The following TBCK variants were observed in gnomAD, a reference collection of about 807,000 sequenced individuals.
The protein encoded by TBCK is TBC domain-containing protein kinase-like protein.
TBCK carries 99 observed loss-of-function variants against 113.4 expected under a neutral mutation model. That is an observed-to-expected ratio of 0.87 (90% CI 0.74 to 1.03). The LOEUF (loss-of-function observed/expected upper bound fraction) is 1.03. Ranked by LOEUF, TBCK falls within the 50% of genes least tolerant of loss-of-function variation. The probability of loss-of-function intolerance (pLI) is 0.00; values close to 1 mark genes in which losing one functional copy is unlikely to be tolerated. For synonymous variants in TBCK, 369 were observed against 370.8 expected, an observed-to-expected ratio of 1.00 and a Z score of 0.05; for missense variants, 1,045 against 1,061.3, an observed-to-expected ratio of 0.98 and a Z score of 0.21.
Position 106,230,498 on chromosome 4 carries a change from G to A in TBCK, c.1691-52C>T, listed in dbSNP as rs563306484. On this transcript the variant is annotated intron_variant, in intron 18 of 25. Coordinates refer to ENST00000394708, the MANE Select transcript of TBCK (RefSeq NM_001163435.3). ...TAAAAAATTAGTTAACAGGGTAGATGACCATCAGTAATGCATTCACTTAGC... is the reference window on the plus strand; with the variant it reads ...TAAAAAATTAGTTAACAGGGTAGATAACCATCAGTAATGCATTCACTTAGC... The A allele has an allele frequency of 5.4e-6, 6 of 1,100,972 alleles. No homozygotes were observed. In the South Asian group the frequency reaches 9.2e-5, roughly 17 times the overall value. The allele number at this position is 1,100,972 out of a possible 1,614,324, so 68.2% of individuals were successfully genotyped here.
At chr4:106,266,088 T>A (rs1193117125) in intron 3 of TBCK, among the ~76,000 whole-genome samples, 1 of 151,752 alleles carries the variant, frequency 6.6e-6, no homozygotes, top group East Asian at 1.9e-4. Context: ...ACTAACTGTA[T>A]AAATGGCAAT....
intron 23 of TBCK, among the ~76,000 whole-genome samples, chr4:106,123,589 A>G (rs1744741420): frequency 6.6e-6 from 1 of 152,192 alleles, no homozygotes; most frequent in Non-Finnish European, 1.5e-5. Flanking sequence ...AAAAGAACAA[A>G]GCTGGAGGCA....
At chr4:106,059,035 A>C (rs1182027583) in intron 25 of TBCK, among the ~76,000 whole-genome samples, 1 of 151,796 alleles carries the variant, frequency 6.6e-6, no homozygotes, top group Non-Finnish European at 1.5e-5. Flanking sequence ...GTCAAGAAGG[A>C]TAAAATACTA....
chr4:106,091,327 C>T (rs1740202637), intron 25 of TBCK, among the ~76,000 whole-genome samples: 1 of 152,162 alleles, frequency 6.6e-6, no homozygotes, highest in Admixed American at 6.5e-5. Context: ...TCACTTATTA[C>T]CATGGAGAGG....
At chr4:106,215,556 G>A (rs1351289470) in intron 19 of TBCK, among the ~76,000 whole-genome samples, 1 of 152,060 alleles carries the variant, frequency 6.6e-6, no homozygotes, top group Non-Finnish European at 1.5e-5. Flanking sequence ...AAAAGGCAGG[G>A]GTTGCGATCC....
intron 3 of TBCK, among the ~76,000 whole-genome samples, chr4:106,287,781 C>A (rs772876780): frequency 1.1e-4 from 17 of 152,146 alleles, no homozygotes; most frequent in Non-Finnish European, 2.4e-4. Flanking sequence ...TCACCCAACT[C>A]CAGAAAAGCT....
intron 12 of TBCK, among the ~76,000 whole-genome samples, chr4:106,239,598 A>T (rs1409163242): frequency 4.6e-5 from 7 of 152,088 alleles, no homozygotes; most frequent in African/African-American, 1.7e-4. Flanking sequence ...AAGAAAAGAA[A>T]TGGAAGCACC....
chr4:106,148,292 C>T lies in TBCK; in HGVS notation c.2235+22803G>A, dbSNP rs757631168. Among the ~76,000 whole-genome samples, 4 of 152,202 alleles carry T rather than the reference C, an allele frequency of 2.6e-5. No homozygotes were observed. In the South Asian group the frequency reaches 8.3e-4, roughly 31 times the overall value. ...CCACACCTATTCGCACACTCCCTCCCCTTTTGAAAGTCCCTAATAAAAACT... is the reference window on the plus strand; with the variant it reads ...CCACACCTATTCGCACACTCCCTCCTCTTTTGAAAGTCCCTAATAAAAACT... On this transcript the variant is annotated intron_variant, in intron 23 of 25. Transcript: ENST00000394708.
At chr4:106,156,756 T>C (rs2149696137) in intron 23 of TBCK, among the ~76,000 whole-genome samples, 1 of 152,260 alleles carries the variant, frequency 6.6e-6, no homozygotes, top group South Asian at 2.1e-4. Context: ...GGACTCACTC[T>C]TCAGTGTAGT....
At chr4:106,309,619 T>C (rs1388684082) in intron 1 of TBCK, among the ~76,000 whole-genome samples, 1 of 151,946 alleles carries the variant, frequency 6.6e-6, no homozygotes, top group East Asian at 1.9e-4. Context: ...CTCCTCTCTT[T>C]ACCTAAAGAT....
intron 9 of TBCK, chr4:106,247,573 CA>C (rs1382858062): frequency 3.5e-5 from 9 of 255,584 alleles, no homozygotes; most frequent in Non-Finnish European, 6.6e-5. Flanking sequence ...GACTAGCATT[CA>C]CCTGCTTTAC....
At chr4:106,097,928 T>C (rs1489104814) in intron 24 of TBCK, among the ~76,000 whole-genome samples, 4 of 152,060 alleles carry the variant, frequency 2.6e-5, no homozygotes, top group East Asian at 1.9e-4. Context: ...TGAATGACCA[T>C]AGTTGACTAT....
At chr4:106,232,714 A>G (rs1393594937) in intron 17 of TBCK, among the ~76,000 whole-genome samples, 1 of 152,032 alleles carries the variant, frequency 6.6e-6, no homozygotes, top group Non-Finnish European at 1.5e-5. Context: ...CTGCTTTGCT[A>G]ATCAACTTGT....
chr4:106,103,946 C>T (rs1301751684), intron 24 of TBCK, among the ~76,000 whole-genome samples: 1 of 152,296 alleles, frequency 6.6e-6, no homozygotes, highest in Admixed American at 6.5e-5. Context: ...AGTGAATGAA[C>T]GGCCCCAGAA....
At chr4:106,233,185 A>G (rs889898654) in intron 16 of TBCK, 121 bp from the exon 17 acceptor site, 10 of 976,586 alleles carry the variant, frequency 1.0e-5, no homozygotes, top group Non-Finnish European at 1.5e-5. Context: ...AAACAGACCA[A>G]CTTCTTAAGT....
Position 106,247,263 on chromosome 4 carries a change from C to T in TBCK, c.807G>A (p.Lys269=). Residue 269 remains lysine (K), a synonymous_variant, in exon 10 of 26, where the codon AAG becomes AAA. Transcript: ENST00000394708. ...GTGATACCTCACTGAATACTTTGTC[C>T]TTCATTAATTGATCTGGGGTTGGCC... ...SKRPTPDQLM[K]DKVFSEVSPL... The T allele has an allele frequency of 6.2e-7, 1 of 1,612,046 alleles. No individual in the cohort carries two copies. Among genetic ancestry groups the T allele is most frequent in the Non-Finnish European group, 8.5e-7 (1 of 1,178,646 alleles).
Position 106,045,260 on chromosome 4 carries a change from T to G in TBCK, c.*1310A>C, listed in dbSNP as rs1734118646. 1 of 152,184 alleles carries G rather than the reference T, an allele frequency of 6.6e-6. No individual in the cohort carries two copies. The highest frequency in any genetic ancestry group is 1.5e-5 in the Non-Finnish European group (1 of 68,028). The allele number at this position is 152,184 out of a possible 1,614,324, so 9.4% of individuals were successfully genotyped here. A position where few individuals can be genotyped will look rare whatever the true frequency, so the allele number is the denominator to read the frequency against. On this transcript the variant is annotated 3_prime_UTR_variant, in exon 26 of 26. Transcript: ENST00000394708. Reference sequence around the variant, plus strand: ...TTTTAGTAGAGACAAAGTTTCCCCATGTTGGCCAGGCTGGTCTCAAACTCC... The same window carrying G: ...TTTTAGTAGAGACAAAGTTTCCCCAGGTTGGCCAGGCTGGTCTCAAACTCC...
At chr4:106,281,646 G>C (rs896933855) in intron 3 of TBCK, among the ~76,000 whole-genome samples, 2 of 152,006 alleles carry the variant, frequency 1.3e-5, no homozygotes, top group African/African-American at 4.8e-5. Context: ...TTTATCAAAG[G>C]CTTTTTCAGC....
Position 106,222,429 on chromosome 4 carries a change from T to C in TBCK, c.1774+7934A>G, listed in dbSNP as rs1051342159. Reference sequence around the variant, plus strand: ...AGCCATCTGTTTTCCAAAAAATATATGCAGAGACAAAATTTCAGAAAGCCC... The same window carrying C: ...AGCCATCTGTTTTCCAAAAAATATACGCAGAGACAAAATTTCAGAAAGCCC... On this transcript the variant is annotated intron_variant, in intron 19 of 25. Transcript: ENST00000394708. 3.3e-5 allele frequency among the ~76,000 whole-genome samples: 5 copies of C among 152,304 alleles called. 1 individual carries two copies. In the South Asian group the frequency reaches 6.2e-4, roughly 19 times the overall value.
Sources: allele counts gnomAD v4.1 joint callset (sites outside exome capture counted in the v4.1 genomes callset), GRCh38; gene constraint gnomAD v4.1.1; transcripts MANE v1.5; gene names NCBI Gene and HGNC (gene_info 2026-07-23, HGNC 2026-07-21).